The following DDX21 variants were observed in gnomAD, a reference collection of about 807,000 sequenced individuals.
DDX21 encodes the protein nucleolar RNA helicase 2.
Under a neutral mutation model 90.0 loss-of-function variants are expected in DDX21, and 18 were observed. That is an observed-to-expected ratio of 0.20 (90% CI 0.14 to 0.30). DDX21 has a LOEUF of 0.30. DDX21 is among the 10% of genes least tolerant of loss of function. DDX21 has a pLI of 1.00. For synonymous variants in DDX21, 294 were observed against 318.0 expected (o/e 0.92, Z 0.80); for missense variants, 673 against 944.5 (o/e 0.71, Z 3.77).
intron 7 of DDX21, among the ~76,000 whole-genome samples, chr10:68,969,408 T>C (rs529699944): frequency 9.1e-4 from 139 of 152,264 alleles, no homozygotes; most frequent in Non-Finnish European, 1.7e-3. Context: ...GCCTCCTGAG[T>C]GGCTGGGACT....
At chr10:68,963,612 G>T in intron 4 of DDX21, 143 bp downstream of exon 4, 1 of 586,394 alleles carries the variant, frequency 1.7e-6, no homozygotes, top group East Asian at 3.0e-5. Flanking sequence ...AAGTAATCCA[G>T]GACAATTCTT....
In DDX21 at chr10:68,973,667, A is replaced by G. The variant is rs762081182; in HGVS notation, c.1668+3A>G. 3.7e-6 allele frequency: 6 copies of G among 1,612,008 alleles called. No homozygotes were observed. The highest frequency in any genetic ancestry group is 1.1e-5 in the South Asian group (1 of 90,658). On this transcript the variant is annotated splice_donor_region_variant and intron_variant, in intron 10 of 14. Coordinates refer to ENST00000354185, the MANE Select transcript of DDX21 (RefSeq NM_004728.4). ...TAGTACAAGTGGAGCAAAAAGCGGT[A>G]AAACTATTCTTACCTTTCATTAAGC...
In DDX21 at chr10:68,962,144, T is replaced by G. The variant is rs150436605; in HGVS notation, c.594T>G (p.Ile198Met). 1 of 1,607,744 alleles carries G rather than the reference T, an allele frequency of 6.2e-7. No homozygotes were observed. The highest frequency in any genetic ancestry group is 1.3e-5 in the African/African-American group (1 of 74,728). The change falls in exon 3 of 15, where the codon ATT becomes ATG. Residue 198 changes from isoleucine (I) to methionine (M), a missense_variant. Coordinates refer to ENST00000354185, the MANE Select transcript of DDX21 (RefSeq NM_004728.4). ...FSNFPISEET[I>M]KLLKGRGVTF... ...ATTTTCCCATATCTGAAGAAACTAT[T>G]AAACTTCTCAAAGGTAATGTTCTTG...
At chr10:68,982,245 T>C (rs1564631159) in intron 14 of DDX21, among the ~76,000 whole-genome samples, 1 of 152,224 alleles carries the variant, frequency 6.6e-6, no homozygotes. Flanking sequence ...TATATTTGTT[T>C]TATTACCTTT....
chr10:68,960,382 C>A, intron 2 of DDX21, 133 bp downstream of exon 2: 2 of 845,734 alleles, frequency 2.4e-6, no homozygotes, highest in Non-Finnish European at 3.4e-6. Context: ...TTGGGGGATA[C>A]CTTAGGCTGA....
rs1213249215 is a variant in DDX21, at chr10:68,971,225, C to CT, written c.1387-659dup. Among the ~76,000 whole-genome samples the CT allele has an allele frequency of 4.0e-5, 6 of 151,884 alleles. No individual in the cohort carries two copies. The South Asian group carries it at 8.3e-4, about 21-fold the overall frequency. Reference sequence around the variant, plus strand: ...AGTCACCACTATCTAATTGGGAAGACTTTTTTTATCTTCAACTTTTAGGTT... The same window carrying CT: ...AGTCACCACTATCTAATTGGGAAGACTTTTTTTTATCTTCAACTTTTAGGTT... On this transcript the variant is annotated intron_variant, in intron 8 of 14. Coordinates refer to ENST00000354185, the MANE Select transcript of DDX21 (RefSeq NM_004728.4).
rs538527113 is a variant in DDX21, at chr10:68,974,832, A to T, written c.1742+89A>T. 745 of 1,102,192 alleles carry T rather than the reference A, an allele frequency of 6.8e-4. 6 individuals carry two copies. Among genetic ancestry groups the T allele is most frequent in the African/African-American group, 1.2e-3 (74 of 61,402 alleles). 68.3% of individuals were successfully genotyped at this position (1,102,192 alleles called of 1,614,324 possible). A position where few individuals can be genotyped will look rare whatever the true frequency, so the allele number is the denominator to read the frequency against. On this transcript the variant is annotated intron_variant, in intron 11 of 14. Transcript: ENST00000354185. ...CAGTAATAAGATTTGACTTAAAAAA[A>T]TTTTTTTTTTAAAATTTTTGAGACA...
Position 68,983,020 on chromosome 10 carries a change from T to A in DDX21, c.*208T>A. 1 of 670,922 alleles carries A rather than the reference T, an allele frequency of 1.5e-6. No homozygotes were observed. The highest frequency in any genetic ancestry group is 2.5e-6 in the Non-Finnish European group (1 of 407,892). 41.6% of individuals were successfully genotyped at this position (670,922 alleles called of 1,614,324 possible). ...AACTTTATTGTTACTTCTTCATCAG[T>A]TTTTCCTTTTGAAAGGTGTATGAAT... is the stretch of plus-strand genomic sequence containing the variant. On this transcript the variant is annotated 3_prime_UTR_variant, in exon 15 of 15. Transcript: ENST00000354185.
rs80085487 is a variant in DDX21 at position 68,969,187 on chromosome 10, A to G, written c.1236+66A>G. On this transcript the variant is annotated intron_variant, in intron 7 of 14. Coordinates refer to ENST00000354185, the MANE Select transcript of DDX21 (RefSeq NM_004728.4). The stretch of plus-strand genomic sequence containing the variant: ...TATTTTTTTCTTGTCTGTTAGTATT[A>G]AGACTGGCAAATGCTCTTTTTCCAG... The G allele has an allele frequency of 0.012, 17,372 of 1,421,620 alleles. 1,384 individuals carry two copies. In the African/African-American group the frequency reaches 0.2, roughly 16 times the overall value. 88.1% of individuals were successfully genotyped at this position (1,421,620 alleles called of 1,614,324 possible).
chr10:68,968,903 T>C, intron 6 of DDX21, 73 bp from the exon 7 acceptor site: 1 of 1,525,822 alleles, frequency 6.6e-7, no homozygotes, highest in Non-Finnish European at 8.9e-7. Flanking sequence ...TGTGGAAGTA[T>C]TAGGTTAGGT....
rs1409933363 is a variant in DDX21, at chr10:68,968,363, A to G, written c.1091-613A>G. Among the ~76,000 whole-genome samples the G allele has an allele frequency of 2.6e-5, 4 of 152,224 alleles. No individual in the cohort carries two copies. The East Asian group carries it at 7.7e-4, about 29-fold the overall frequency. On this transcript the variant is annotated intron_variant, in intron 6 of 14. Transcript: ENST00000354185. The stretch of plus-strand genomic sequence containing the variant: ...GAGACAGGGTCTCACTGTGTTGCCC[A>G]GGCTTGTCTTGATTCCTGGCCTCAA...
At chr10:68,973,517 G>A in intron 9 of DDX21, 28 bp from the exon 10 acceptor site, 1 of 1,613,378 alleles carries the variant, frequency 6.2e-7, no homozygotes. Context: ...TTTTGGTTTA[G>A]TGTTACTCAT....
chr10:68,968,870 G>T, intron 6 of DDX21, 106 bp from the exon 7 acceptor site: 1 of 1,337,404 alleles, frequency 7.5e-7, no homozygotes, highest in Admixed American at 2.5e-5. Context: ...GCCTCAGGTG[G>T]TTGCTGGTGA....
Position 68,971,989 on chromosome 10 carries a change from T to C in DDX21, c.1485T>C (p.Asn495=). The stretch of plus-strand genomic sequence containing the variant: ...GTTTTGGAGTTTTGGTGGCAACCAA[T>C]GTTGCTGCACGTGGGTTAGACATCC... The part of the protein sequence containing the change: ...NGSFGVLVAT[N]VAARGLDIPE... Residue 495 remains asparagine (N), a synonymous_variant, in exon 9 of 15, where the codon AAT becomes AAC. Coordinates refer to ENST00000354185, the MANE Select transcript of DDX21 (RefSeq NM_004728.4). 6.2e-7 allele frequency: 1 copy of C among 1,614,190 alleles called. No individual in the cohort carries two copies. Among genetic ancestry groups the C allele is most frequent in the Middle Eastern group, 1.7e-4 (1 of 6,060 alleles).
At chr10:68,969,539 A>C (rs937345891) in intron 7 of DDX21, among the ~76,000 whole-genome samples, 2 of 152,168 alleles carry the variant, frequency 1.3e-5, no homozygotes, top group Non-Finnish European at 2.9e-5. Flanking sequence ...CGGCCTCCCA[A>C]AGTGCTGGGA....
intron 13 of DDX21, among the ~76,000 whole-genome samples, chr10:68,979,845 C>T (rs553282946): frequency 6.6e-6 from 1 of 152,340 alleles, no homozygotes; most frequent in South Asian, 2.1e-4. Context: ...GCTAACCTTA[C>T]AGCTTAATTT....
rs1400707321 is a variant in DDX21 at position 68,983,212 on chromosome 10, C to G, written c.*400C>G. On this transcript the variant is annotated 3_prime_UTR_variant, in exon 15 of 15. Coordinates refer to ENST00000354185, the MANE Select transcript of DDX21 (RefSeq NM_004728.4). ...GGGAGTGTAACAGTCTCTGGAGGACCACTTTGAGCCTTTGGAAGTTAAGGT... is the reference window on the plus strand; with the variant it reads ...GGGAGTGTAACAGTCTCTGGAGGACGACTTTGAGCCTTTGGAAGTTAAGGT... 1 of 183,084 alleles carries G rather than the reference C, an allele frequency of 5.5e-6. No homozygotes were observed. Among genetic ancestry groups the G allele is most frequent in the Non-Finnish European group, 1.2e-5 (1 of 85,254 alleles). The allele number at this position is 183,084 out of a possible 1,614,324, so 11.3% of individuals were successfully genotyped here. A position where few individuals can be genotyped will look rare whatever the true frequency, so the allele number is the denominator to read the frequency against.
intron 13 of DDX21, 87 bp from the exon 14 acceptor site, chr10:68,981,447 TTTC>T (rs1843189490): frequency 1.6e-6 from 2 of 1,240,094 alleles, no homozygotes; most frequent in Non-Finnish European, 2.3e-6. Flanking sequence ...TGTTTTTTGT[TTTC>T]TTTTTTTTAA....
At position 68,973,623 on chromosome 10, in the gene DDX21, C is replaced by T. The variant is rs370342501; in HGVS notation, c.1627C>T (p.His543Tyr). 97 of 1,613,976 alleles carry T rather than the reference C, an allele frequency of 6.0e-5. No individual in the cohort carries two copies. Among genetic ancestry groups the T allele is most frequent in the Non-Finnish European group, 7.8e-5 (92 of 1,180,002 alleles). Residue 543 changes from histidine to tyrosine, a missense_variant, in exon 10 of 15, where the codon CAC becomes TAC. His to Tyr is a moderately conservative substitution (Grantham distance 83, BLOSUM62 2). Coordinates refer to ENST00000354185, the MANE Select transcript of DDX21 (RefSeq NM_004728.4). ...RTGVCICFYQ[H>Y]KEEYQLVQVE... ...GGGGGTGTGCATCTGCTTTTATCAG[C>T]ACAAGGAAGAATATCAGTTAGTACA...
Sources: allele counts gnomAD v4.1 joint callset (sites outside exome capture counted in the v4.1 genomes callset), GRCh38; gene constraint gnomAD v4.1.1; transcripts MANE v1.5; gene names NCBI Gene and HGNC (gene_info 2026-07-23, HGNC 2026-07-21).